The following NTRK2 variants were observed in gnomAD, a reference collection of about 807,000 sequenced individuals.
NTRK2 encodes the protein BDNF/NT-3 growth factors receptor.
NTRK2 carries 13 observed loss-of-function variants against 94.5 expected under a neutral mutation model. The observed-to-expected ratio is 0.14, with a 90% CI of 0.09 to 0.22. NTRK2 has a LOEUF of 0.22. NTRK2 is among the 10% of genes least tolerant of loss of function. The pLI is 1.00. For synonymous variants in NTRK2, 372 were observed against 407.4 expected (o/e 0.91, Z 1.05); for missense variants, 639 against 1,071.2 (o/e 0.60, Z 5.63).
chr9:85,025,704 C>T lies in NTRK2; in HGVS notation c.*4267C>T. 4.3e-6 allele frequency: 1 copy of T among 233,190 alleles called. No homozygotes were observed. The highest frequency in any genetic ancestry group is 8.5e-6 in the Non-Finnish European group (1 of 117,992). The allele number at this position is 233,190 out of a possible 1,614,324, so 14.4% of individuals were successfully genotyped here. A position where few individuals can be genotyped will look rare whatever the true frequency, so the allele number is the denominator to read the frequency against. ...CCATTTTCTTTTTCATCCCCTGTCT[C>T]AGGACTTTTATTTTCAATGTTGACC... On this transcript the variant is annotated 3_prime_UTR_variant, in exon 19 of 19. Transcript: ENST00000277120.
upstream of NTRK2, chr9:84,669,508 T>C (rs945541536): frequency 6.6e-6 from 1 of 152,550 alleles, no homozygotes. This position sits in a 1 kb window ranked among gnomAD's most constrained non-coding sequence, Gnocchi z 4.1. Flanking sequence ...TGTGCGTGTG[T>C]GCGCGCGTGT....
At chr9:84,979,052 G>A (rs1488851314) in intron 17 of NTRK2, among the ~76,000 whole-genome samples, 2 of 152,218 alleles carry the variant, frequency 1.3e-5, no homozygotes, top group Admixed American at 6.5e-5. Flanking sequence ...ATGATGGGAT[G>A]TACAAGGAGA....
intron 6 of NTRK2, among the ~76,000 whole-genome samples, chr9:84,722,402 AGAAAGG>A (rs1588162985): frequency 1.3e-5 from 2 of 152,150 alleles, no homozygotes; most frequent in East Asian, 3.8e-4. Flanking sequence ...ACATGATAAG[AGAAAGG>A]TTTATCCATA....
intron 17 of NTRK2, among the ~76,000 whole-genome samples, chr9:84,966,901 T>A (rs1003559092): frequency 6.6e-6 from 1 of 152,182 alleles, no homozygotes; most frequent in Non-Finnish European, 1.5e-5. Flanking sequence ...ACCATGACCC[T>A]TGACTTTCCT....
intron 12 of NTRK2, among the ~76,000 whole-genome samples, chr9:84,767,328 A>G (rs1446286631): frequency 6.6e-6 from 1 of 152,228 alleles, no homozygotes; most frequent in Non-Finnish European, 1.5e-5. Context: ...AACATTAAGT[A>G]GAACCCATCC....
chr9:84,806,711 GAT>G (rs1170333477), intron 12 of NTRK2, among the ~76,000 whole-genome samples: 1 of 152,224 alleles, frequency 6.6e-6, no homozygotes, highest in East Asian at 1.9e-4. Flanking sequence ...GCAACCAACA[GAT>G]ATAAAGTGCT....
intron 14 of NTRK2, among the ~76,000 whole-genome samples, chr9:84,903,204 G>T (rs1299303341): frequency 6.6e-6 from 1 of 152,208 alleles, no homozygotes; most frequent in East Asian, 1.9e-4. Flanking sequence ...ACTGCAGAAA[G>T]GTCTGTTGGT....
chr9:84,857,781 A>G (rs1391758127), intron 12 of NTRK2, among the ~76,000 whole-genome samples: 2 of 152,166 alleles, frequency 1.3e-5, no homozygotes, highest in Non-Finnish European at 2.9e-5. Context: ...TACAGGCCCA[A>G]ATGAGAAACG....
At chr9:84,733,209 C>T (rs2063014493) in intron 9 of NTRK2, among the ~76,000 whole-genome samples, 1 of 152,174 alleles carries the variant, frequency 6.6e-6, no homozygotes, top group African/African-American at 2.4e-5. Flanking sequence ...GCAGCACTTC[C>T]CTAAAGAAAC....
At chr9:84,701,075 T>C (rs2060691832) in intron 2 of NTRK2, among the ~76,000 whole-genome samples, 1 of 152,234 alleles carries the variant, frequency 6.6e-6, no homozygotes, top group Non-Finnish European at 1.5e-5. Context: ...TAAATAACTG[T>C]AGTACAGGGT....
intron 12 of NTRK2, among the ~76,000 whole-genome samples, chr9:84,841,949 C>T (rs2074210452): frequency 6.6e-6 from 1 of 152,188 alleles, no homozygotes; most frequent in African/African-American, 2.4e-5. Flanking sequence ...AGACGCATCC[C>T]AAGAAAAGTG....
chr9:84,733,159 G>C (rs896290341), intron 9 of NTRK2, among the ~76,000 whole-genome samples: 2 of 152,194 alleles, frequency 1.3e-5, no homozygotes, highest in Non-Finnish European at 2.9e-5. Context: ...TCAACTCTCA[G>C]AGTGGTTCCA....
chr9:84,751,931 T>C, intron 11 of NTRK2, 55 bp from the exon 12 acceptor site: 1 of 1,302,000 alleles, frequency 7.7e-7, no homozygotes, highest in Non-Finnish European at 1.1e-6. Context: ...CATCACCATA[T>C]GATTATAGGG....
chr9:84,704,880 G>A (rs1399352706), intron 4 of NTRK2, among the ~76,000 whole-genome samples: 1 of 152,116 alleles, frequency 6.6e-6, no homozygotes, highest in Non-Finnish European at 1.5e-5. Flanking sequence ...AGGAAGGAAG[G>A]AATTAAGTCA....
At chr9:84,915,039 G>A (rs1587917230) in intron 14 of NTRK2, among the ~76,000 whole-genome samples, 1 of 152,254 alleles carries the variant, frequency 6.6e-6, no homozygotes, top group Non-Finnish European at 1.5e-5. Flanking sequence ...GTCTCATAAG[G>A]AGTGCACAAT....
chr9:84,840,487 C>T (rs75257447), intron 12 of NTRK2, among the ~76,000 whole-genome samples: 1,673 of 152,054 alleles, frequency 0.011, 33 homozygotes, highest in Admixed American at 0.041. Flanking sequence ...TCCCCAGGAC[C>T]GCCCTCCCCA....
At chr9:84,806,391 T>C (rs2071113827) in intron 12 of NTRK2, among the ~76,000 whole-genome samples, 1 of 152,158 alleles carries the variant, frequency 6.6e-6, no homozygotes, top group South Asian at 2.1e-4. Context: ...AGGGATAATA[T>C]GTGGACAAAG....
chr9:84,706,436 A>G (rs558797048), intron 4 of NTRK2, among the ~76,000 whole-genome samples: 54 of 151,514 alleles, frequency 3.6e-4, no homozygotes, highest in African/African-American at 1.3e-3. Flanking sequence ...TTCAGTGATG[A>G]CTTCCTTGGG....
chr9:84,840,138 T>G (rs2074091406), intron 12 of NTRK2, among the ~76,000 whole-genome samples: 1 of 152,278 alleles, frequency 6.6e-6, no homozygotes, highest in African/African-American at 2.4e-5. Context: ...GTTTGGTCCT[T>G]TGTGAGAAAT....
Sources: gnomAD v4.1 joint callset for allele counts (sites outside exome capture counted in the v4.1 genomes callset) on GRCh38, gnomAD v4.1.1 for gene constraint, Gnocchi (gnomAD v3.1) non-coding constraint, MANE v1.5 for transcripts, NCBI Gene and HGNC (gene_info 2026-07-23, HGNC 2026-07-21) for gene names.